Variants in R3HCC1L observed in about 807,000 individuals in gnomAD.
R3HCC1L encodes R3H domain and coiled-coil containing 1 like, also known as coiled-coil domain-containing protein R3HCC1L.
In R3HCC1L, 51 loss-of-function variants were observed where a neutral mutation model predicts 59.9. The observed-to-expected ratio is 0.85, with a 90% CI of 0.68 to 1.07. R3HCC1L has a LOEUF of 1.07. Among genes scored for constraint, R3HCC1L ranks in the 50% least tolerant of loss-of-function variants. The probability of loss-of-function intolerance (pLI) is 0.00; values close to 1 mark genes in which losing one functional copy is unlikely to be tolerated. For synonymous variants in R3HCC1L, 322 were observed against 315.2 expected, an observed-to-expected ratio of 1.02 and a Z score of -0.23; for missense variants, 965 against 933.0, an observed-to-expected ratio of 1.03 and a Z score of -0.45.
At chr10:98,185,318 C>T (rs777843229) in intron 4 of R3HCC1L, among the ~76,000 whole-genome samples, 1 of 152,102 alleles carries the variant, frequency 6.6e-6, no homozygotes, top group Non-Finnish European at 1.5e-5. Context: ...ATAATACTTT[C>T]TCTAATGAGC....
chr10:98,144,136 T>C (rs1042700675), intron 1 of R3HCC1L, among the ~76,000 whole-genome samples: 4 of 152,092 alleles, frequency 2.6e-5, no homozygotes, highest in Non-Finnish European at 5.9e-5. Flanking sequence ...GTGAGACCCA[T>C]CTCTACAAAA....
intron 4 of R3HCC1L, among the ~76,000 whole-genome samples, chr10:98,202,049 T>C (rs890751083): frequency 6.6e-5 from 10 of 152,102 alleles, no homozygotes; most frequent in Admixed American, 1.3e-4. Flanking sequence ...TACAGGCGCA[T>C]GCCTCTGGCT....
At chr10:98,223,154 A>G (rs1268025781) in intron 5 of R3HCC1L, among the ~76,000 whole-genome samples, 1 of 152,206 alleles carries the variant, frequency 6.6e-6, no homozygotes. Flanking sequence ...ATTCCAATCA[A>G]TAGAATAAGA....
chr10:98,238,287 G>C (rs1235927280), intron 9 of R3HCC1L, among the ~76,000 whole-genome samples: 2 of 152,204 alleles, frequency 1.3e-5, no homozygotes, highest in Non-Finnish European at 2.9e-5. Flanking sequence ...GCCCTGTGCA[G>C]AGCACTGTGT....
chr10:98,183,958 G>GTTTTTTTTTTTTTTTTTTTT lies in R3HCC1L; in HGVS notation c.-15+20576_-15+20577insTTTTTTTTTTTTTTTTTTTT, dbSNP rs71007380. Among the ~76,000 whole-genome samples the GTTTTTTTTTTTTTTTTTTTT allele has an allele frequency of 4.5e-4, 57 of 126,536 alleles. 1 individual carries two copies. Among genetic ancestry groups the GTTTTTTTTTTTTTTTTTTTT allele is most frequent in the Middle Eastern group, 4.2e-3 (1 of 240 alleles). 83.0% of individuals were successfully genotyped at this position (126,536 alleles called of 152,430 possible). ...TTTTTTTTTCTTTGCTCCTTTTTCG[G>GTTTTTTTTTTTTTTTTTTTT]TTTTTTTTTTTTTTTGGTTGAAATC... On this transcript the variant is annotated intron_variant, in intron 4 of 9. Transcript: ENST00000298999.
intron 2 of R3HCC1L, among the ~76,000 whole-genome samples, chr10:98,160,417 A>G (rs1847297063): frequency 6.6e-6 from 1 of 152,212 alleles, no homozygotes; most frequent in Non-Finnish European, 1.5e-5. Flanking sequence ...GTGTTGAAAT[A>G]TTTTAAGTGT....
At position 98,208,770 on chromosome 10, in the gene R3HCC1L, A is replaced by G. The variant is rs1256417440; in HGVS notation, c.656A>G (p.Glu219Gly). 1.9e-6 allele frequency: 3 copies of G among 1,613,950 alleles called. No individual in the cohort carries two copies. Among genetic ancestry groups the G allele is most frequent in the Admixed American group, 1.7e-5 (1 of 59,988 alleles). Residue 219 changes from glutamate to glycine, a missense_variant, in exon 5 of 10, where the codon GAG becomes GGG. Coordinates refer to ENST00000298999, the MANE Select transcript of R3HCC1L (RefSeq NM_001351015.2). The part of the protein sequence containing the change: ...TDTKVLEILY[E>G]FPRVFSSVMK... The stretch of plus-strand genomic sequence containing the variant: ...ACCAAGGTTTTGGAGATACTATATG[A>G]GTTTCCTAGAGTTTTTAGTTCTGTC...
At chr10:98,206,343 AC>A (rs1450505431) in intron 4 of R3HCC1L, among the ~76,000 whole-genome samples, 1 of 151,032 alleles carries the variant, frequency 6.6e-6, no homozygotes, top group Admixed American at 6.6e-5. Context: ...AAAAAAAAAA[AC>A]CTCCAAAAGA....
chr10:98,205,299 G>C, intron 4 of R3HCC1L, among the ~76,000 whole-genome samples: 1 of 152,086 alleles, frequency 6.6e-6, no homozygotes, highest in Non-Finnish European at 1.5e-5. Context: ...TATATTTGGT[G>C]ATCTCACAAT....
intron 2 of R3HCC1L, among the ~76,000 whole-genome samples, chr10:98,160,508 T>G (rs1475931769): frequency 1.3e-5 from 2 of 152,232 alleles, no homozygotes; most frequent in East Asian, 3.8e-4. Flanking sequence ...GTGGCTCCAT[T>G]ATATTTCTAT....
At chr10:98,225,449 A>G (rs1234970341) in intron 5 of R3HCC1L, among the ~76,000 whole-genome samples, 1 of 152,198 alleles carries the variant, frequency 6.6e-6, no homozygotes, top group Non-Finnish European at 1.5e-5. Flanking sequence ...AGAAAGTTCC[A>G]TTAACAGTAT....
intron 4 of R3HCC1L, among the ~76,000 whole-genome samples, chr10:98,200,274 G>A (rs746201185): frequency 2.6e-5 from 4 of 152,008 alleles, no homozygotes; most frequent in Non-Finnish European, 5.9e-5. Flanking sequence ...TACAGCAATA[G>A]GCTATTAGTG....
At chr10:98,193,379 TAAAA>T (rs1851068743) in intron 4 of R3HCC1L, among the ~76,000 whole-genome samples, 1 of 151,204 alleles carries the variant, frequency 6.6e-6, no homozygotes, top group African/African-American at 2.4e-5. Context: ...CCAAAAAAAA[TAAAA>T]AATAAAAAAA....
intron 1 of R3HCC1L, among the ~76,000 whole-genome samples, chr10:98,152,921 C>G (rs1387444048): frequency 4.0e-5 from 6 of 150,414 alleles, no homozygotes; most frequent in African/African-American, 1.2e-4. Flanking sequence ...CCTGCCCGGC[C>G]AGTCGCCCTG....
chr10:98,207,614 A>G (rs1462715231), intron 4 of R3HCC1L, among the ~76,000 whole-genome samples: 3 of 152,184 alleles, frequency 2.0e-5, no homozygotes, highest in Non-Finnish European at 2.9e-5. Flanking sequence ...ATTCTCTGAT[A>G]AGTCATTTCA....
chr10:98,139,470 A>G (rs1002104372), intron 1 of R3HCC1L, among the ~76,000 whole-genome samples: 2 of 152,242 alleles, frequency 1.3e-5, no homozygotes, highest in Non-Finnish European at 2.9e-5. Context: ...GAGCTAGGCT[A>G]TTCATGCCTT....
intron 4 of R3HCC1L, among the ~76,000 whole-genome samples, chr10:98,200,924 T>C (rs1851965994): frequency 6.6e-6 from 1 of 152,190 alleles, no homozygotes; most frequent in Non-Finnish European, 1.5e-5. Flanking sequence ...CCCAGCCTTA[T>C]TTTATAAATC....
chr10:98,181,074 G>A (rs917993126), intron 4 of R3HCC1L, among the ~76,000 whole-genome samples: 1 of 152,200 alleles, frequency 6.6e-6, no homozygotes, highest in African/African-American at 2.4e-5. Context: ...TGTTATGTGT[G>A]AATTTGATCC....
intron 4 of R3HCC1L, among the ~76,000 whole-genome samples, chr10:98,177,296 T>C (rs564309260): frequency 1.7e-4 from 26 of 152,274 alleles, no homozygotes; most frequent in South Asian, 4.1e-4. Flanking sequence ...TTTTCTGTCC[T>C]TGGAATAGTT....
Sources: allele counts gnomAD v4.1 joint callset (sites outside exome capture counted in the v4.1 genomes callset), GRCh38; gene constraint gnomAD v4.1.1; transcripts MANE v1.5; gene names NCBI Gene and HGNC (gene_info 2026-07-23, HGNC 2026-07-21).